ZNF3: variants seen among roughly 807,000 people sequenced by gnomAD.
ZNF3 encodes zinc finger protein 3, also known as C2-H2 type zinc finger protein.
ZNF3 carries 16 observed loss-of-function variants against 36.9 expected under a neutral mutation model. That is an observed-to-expected ratio of 0.43 (90% confidence interval 0.29 to 0.66). ZNF3 has a LOEUF of 0.66. ZNF3 is among the 30% of genes least tolerant of loss of function. The pLI, the probability that ZNF3 is intolerant of heterozygous loss-of-function variation, is 0.13. For missense variants in ZNF3, 462 were observed against 543.1 expected, an observed-to-expected ratio of 0.85 and a Z score of 1.48; for synonymous variants, 201 against 201.9, an observed-to-expected ratio of 1.00 and a Z score of 0.04.
Position 100,071,885 on chromosome 7 carries a change from T to C in ZNF3, c.599A>G (p.His200Arg), listed in dbSNP as rs759319469. 19 of 1,614,122 alleles carry C rather than the reference T, an allele frequency of 1.2e-5. No homozygotes were observed. The highest frequency in any genetic ancestry group is 1.6e-4 in the Middle Eastern group (1 of 6,084). ...HQRLPVGDRPHKCDECSKSFN... is the reference protein window; with the variant it reads ...HQRLPVGDRPRKCDECSKSFN... ...GCTCTTGCTACATTCATCACACTTATGGGGTCTGTCTCCCACGGGGAGTCT... is the reference window on the plus strand; with the variant it reads ...GCTCTTGCTACATTCATCACACTTACGGGGTCTGTCTCCCACGGGGAGTCT... The change falls in exon 6 of 6, where the codon CAT becomes CGT. Residue 200 changes from histidine (H) to arginine (R), a missense_variant. Physicochemically the swap from His to Arg is conservative, Grantham distance 29. Coordinates refer to ENST00000299667, the MANE Select transcript of ZNF3 (RefSeq NM_032924.5).
At position 100,070,048 on chromosome 7, in the gene ZNF3, G is replaced by A. The variant is rs1199182862; in HGVS notation, c.*1095C>T. ...ATGAGCAGGGTTGGGAAAACACAATGGAAGGTCATCCCGTCGGTTGGGAAA... is the reference window on the plus strand; with the variant it reads ...ATGAGCAGGGTTGGGAAAACACAATAGAAGGTCATCCCGTCGGTTGGGAAA... On this transcript the variant is annotated 3_prime_UTR_variant, in exon 6 of 6. Transcript: ENST00000299667. The A allele has an allele frequency of 1.0e-6, 1 of 985,770 alleles. No individual in the cohort carries two copies. Among genetic ancestry groups the A allele is most frequent in the Admixed American group, 6.1e-5 (1 of 16,268 alleles). 61.1% of individuals were successfully genotyped at this position (985,770 alleles called of 1,614,324 possible).
chr7:100,075,778 C>T (rs1794001150), intron 3 of ZNF3, 148 bp from the exon 4 acceptor site: 1 of 722,730 alleles, frequency 1.4e-6, no homozygotes, highest in Non-Finnish European at 2.3e-6. Flanking sequence ...TCCTCTGCAG[C>T]TAGCTACAGT....
rs1793013591 is a variant in ZNF3, at chr7:100,070,835, G to A, written c.*308C>T. 8.8e-7 allele frequency: 1 copy of A among 1,139,872 alleles called. No homozygotes were observed. The highest frequency in any genetic ancestry group is 1.1e-6 in the Non-Finnish European group (1 of 927,038). The allele number at this position is 1,139,872 out of a possible 1,614,324, so 70.6% of individuals were successfully genotyped here. A position where few individuals can be genotyped will look rare whatever the true frequency, so the allele number is the denominator to read the frequency against. On this transcript the variant is annotated 3_prime_UTR_variant, in exon 6 of 6. Transcript: ENST00000299667. ...GAATCCATCGAATTCTGTCCCGACT[G>A]TGCTTCCATCCCCACCTTGGAAAGG...
At chr7:100,064,605 A>G in exon 6 of ZNF3, 1 of 1,613,296 alleles carries the variant, frequency 6.2e-7, no homozygotes, top group East Asian at 2.2e-5. Context: ...CTGGAGAGGG[A>G]GAAGCACCGT....
intron 2 of ZNF3, 35 bp from the exon 3 acceptor site, chr7:100,077,468 T>A: frequency 6.4e-7 from 1 of 1,570,650 alleles, no homozygotes; most frequent in South Asian, 1.2e-5. Flanking sequence ...CAAAGATAAT[T>A]CAAAAAAACC....
Position 100,078,425 on chromosome 7 carries a change from G to A in ZNF3, c.-76-992C>T, listed in dbSNP as rs148143418. 1.9e-3 allele frequency among the ~76,000 whole-genome samples: 288 copies of A among 151,724 alleles called. 5 individuals carry two copies. In the East Asian group the frequency reaches 0.036, roughly 19 times the overall value. On this transcript the variant is annotated intron_variant, in intron 2 of 5. Transcript: ENST00000299667. ...GCAGGAGAATCACTTGATCCCAGGA[G>A]GTGGAGGTTGCAGTGAGCCGAGATC...
Position 100,071,174 on chromosome 7 carries a change from G to GT in ZNF3, c.1309dup (p.Thr437AsnfsTer23), listed in dbSNP as rs769457926. 3.1e-6 allele frequency: 5 copies of GT among 1,605,282 alleles called. No homozygotes were observed. Among genetic ancestry groups the GT allele is most frequent in the African/African-American group, 2.7e-5 (2 of 74,664 alleles). On this transcript the variant is annotated frameshift_variant, in exon 6 of 6. Coordinates refer to ENST00000299667, the MANE Select transcript of ZNF3 (RefSeq NM_032924.5). LOFTEE classifies it high-confidence loss of function. ...GGACTCTCTGATATTTAACTCGGTC[G>GT]TAACTCTGAGGGAGCTTTTGCTCAT...
At chr7:100,066,686 G>A (rs1363674359), downstream of ZNF3, among the ~76,000 whole-genome samples, 1 of 150,580 alleles carries the variant, frequency 6.6e-6, no homozygotes, top group Non-Finnish European at 1.5e-5. Flanking sequence ...GCAGTGAGCC[G>A]AGATCACGCC....
chr7:100,077,268 C>T (rs1402706727), intron 3 of ZNF3, 35 bp downstream of exon 3: 5 of 1,613,282 alleles, frequency 3.1e-6, no homozygotes, highest in Non-Finnish European at 2.5e-6. Flanking sequence ...TGCAGAATGA[C>T]TGAGTAAAAG....
intron 3 of ZNF3, among the ~76,000 whole-genome samples, chr7:100,076,030 G>A (rs1040576495): frequency 6.6e-6 from 1 of 151,304 alleles, no homozygotes; most frequent in Admixed American, 6.6e-5. Flanking sequence ...TTTGAGGTGG[G>A]TTTTGCTATG....
chr7:100,066,749 A>C (rs1792671670), downstream of ZNF3, among the ~76,000 whole-genome samples: 1 of 151,028 alleles, frequency 6.6e-6, no homozygotes, highest in Non-Finnish European at 1.5e-5. Flanking sequence ...ACAATAAATA[A>C]ATAGGCCGGG....
At chr7:100,068,742 C>T (rs1387127010), downstream of ZNF3, among the ~76,000 whole-genome samples, 1 of 151,998 alleles carries the variant, frequency 6.6e-6, no homozygotes, top group Non-Finnish European at 1.5e-5. Context: ...ACTGCAGGCT[C>T]AACTTCCTAG....
At chr7:100,069,818 G>C (rs1792860344), downstream of ZNF3, among the ~76,000 whole-genome samples, 3 of 152,078 alleles carry the variant, frequency 2.0e-5, no homozygotes, top group Non-Finnish European at 4.4e-5. Flanking sequence ...TCTCCATGTT[G>C]GTCAGGCTGG....
chr7:100,064,411 C>G (rs765805854), exon 6 of ZNF3: 1 of 1,609,862 alleles, frequency 6.2e-7, no homozygotes, highest in Non-Finnish European at 8.5e-7. Context: ...CCTCAGCTCC[C>G]ACCAGAGACT....
downstream of ZNF3, among the ~76,000 whole-genome samples, chr7:100,069,117 T>C (rs1194343107): frequency 6.6e-6 from 1 of 151,964 alleles, no homozygotes; most frequent in African/African-American, 2.4e-5. Flanking sequence ...TGTGAGCCAC[T>C]GCGCTCAGCC....
intron 2 of ZNF3, chr7:100,079,069 C>G (rs1794596296): frequency 6.6e-6 from 1 of 152,306 alleles, no homozygotes; most frequent in Non-Finnish European, 1.5e-5. Context: ...GACTCAGGCA[C>G]AAGCCAGGCC....
At chr7:100,065,943 A>G (rs192120874), downstream of ZNF3, among the ~76,000 whole-genome samples, 1 of 147,542 alleles carries the variant, frequency 6.8e-6, no homozygotes, top group Non-Finnish European at 1.5e-5. Context: ...AAAAAGCCTC[A>G]AAAGGCCTGG....
intron 3 of ZNF3, among the ~76,000 whole-genome samples, chr7:100,075,964 A>C (rs1192011584): frequency 6.6e-6 from 1 of 151,650 alleles, no homozygotes; most frequent in Non-Finnish European, 1.5e-5. Context: ...CCATTCACCC[A>C]AGCTTGGCCA....
exon 6 of ZNF3, chr7:100,064,722 ATCAC>A: frequency 1.2e-6 from 2 of 1,611,826 alleles, no homozygotes; most frequent in Admixed American, 3.3e-5. Flanking sequence ...TAGAGTTTGT[ATCAC>A]TCAACATCAG....
Sources: gnomAD v4.1 joint callset for allele counts (sites outside exome capture counted in the v4.1 genomes callset) on GRCh38, gnomAD v4.1.1 for gene constraint, MANE v1.5 for transcripts, NCBI Gene and HGNC (gene_info 2026-07-23, HGNC 2026-07-21) for gene names.